The following FLNB variants were observed in gnomAD, a reference collection of about 807,000 sequenced individuals.
The protein encoded by FLNB is filamin-B.
FLNB carries 111 observed loss-of-function variants against 250.6 expected under a neutral mutation model. The observed-to-expected ratio is 0.44, with a 90% confidence interval of 0.38 to 0.52. The LOEUF (loss-of-function observed/expected upper bound fraction) is 0.52. FLNB is among the 20% of genes least tolerant of loss of function. FLNB has a pLI of 0.00. For missense variants in FLNB, 2,869 were observed against 3,447.8 expected (o/e 0.83, Z 4.20); for synonymous variants, 1,302 against 1,372.1 (o/e 0.95, Z 1.13).
chr3:58,130,963 C>A, intron 25 of FLNB, 55 bp downstream of exon 25: 1 of 1,539,734 alleles, frequency 6.5e-7, no homozygotes, highest in Non-Finnish European at 8.9e-7. Flanking sequence ...GCAGGGGCAG[C>A]TGTAACCCAG....
rs556368704 is a variant in FLNB, at chr3:58,032,908, C to G, written c.292+24052C>G. On this transcript the variant is annotated intron_variant, in intron 1 of 45. Coordinates refer to ENST00000295956, the MANE Select transcript of FLNB (RefSeq NM_001457.4). ...CATTGAGAGATCCCCATCTCTACTC[C>G]CTTCCCCGCCAAAAAAAAGCTAGGT... Among the ~76,000 whole-genome samples the G allele has an allele frequency of 4.3e-4, 66 of 152,160 alleles. 1 individual carries two copies. The highest frequency in any genetic ancestry group is 2.1e-3 in the East Asian group (11 of 5,176).
In FLNB at chr3:58,171,494, G is replaced by A. The variant is rs75749642; in HGVS notation, c.*732G>A. 3.7e-3 allele frequency: 570 copies of A among 152,410 alleles called. 2 individuals are homozygous for A. The highest frequency in any genetic ancestry group is 6.0e-3 in the Non-Finnish European group (407 of 68,168). 9.4% of individuals were successfully genotyped at this position (152,410 alleles called of 1,614,324 possible). A position where few individuals can be genotyped will look rare whatever the true frequency, so the allele number is the denominator to read the frequency against. ...GGTTTTGCTTTAGTTTTCCAAGTCC[G>A]TTTCAGTCCCTTCCTTGGTCTGAAG... is the stretch of plus-strand genomic sequence containing the variant. On this transcript the variant is annotated 3_prime_UTR_variant, in exon 46 of 46. Transcript: ENST00000295956. The surrounding 1 kb of genome is among the most constrained non-coding windows in gnomAD (Gnocchi z 5.5).
chr3:58,039,715 G>A (rs2097143341), intron 1 of FLNB, among the ~76,000 whole-genome samples: 1 of 152,196 alleles, frequency 6.6e-6, no homozygotes, highest in Non-Finnish European at 1.5e-5. Context: ...GCTTTTGGAA[G>A]GACACCATTC....
At chr3:58,064,544 T>C (rs577387513) in intron 1 of FLNB, among the ~76,000 whole-genome samples, 52 of 152,246 alleles carry the variant, frequency 3.4e-4, no homozygotes, top group African/African-American at 1.2e-3. Flanking sequence ...GTAACTCTAA[T>C]TCCTGTTTTC....
chr3:58,030,620 T>C (rs2097129543), intron 1 of FLNB, among the ~76,000 whole-genome samples: 1 of 151,990 alleles, frequency 6.6e-6, no homozygotes, highest in Non-Finnish European at 1.5e-5. Context: ...ATGCCTGTAA[T>C]CCCAGCACTT....
chr3:58,100,451 C>T (rs1456009538), intron 8 of FLNB, among the ~76,000 whole-genome samples: 19 of 146,982 alleles, frequency 1.3e-4, no homozygotes, highest in African/African-American at 4.8e-4. Flanking sequence ...TGCAGTGGTA[C>T]CATCATGGCT....
intron 38 of FLNB, among the ~76,000 whole-genome samples, 180 bp from the exon 39 acceptor site, chr3:58,153,195 G>A (rs770471027): frequency 2.0e-5 from 3 of 152,164 alleles, no homozygotes; most frequent in Non-Finnish European, 4.4e-5. Flanking sequence ...GAAGGGCCCT[G>A]CCCACTCCAT....
At chr3:58,132,330 G>C (rs1271478865) in intron 25 of FLNB, 1 of 431,700 alleles carries the variant, frequency 2.3e-6, no homozygotes, top group African/African-American at 2.0e-5. Flanking sequence ...CAGCATGCTG[G>C]TACCACAGTG....
At chr3:58,008,968 G>C in intron 1 of FLNB, 112 bp downstream of exon 1, 10 of 1,333,650 alleles carry the variant, frequency 7.5e-6, no homozygotes, top group Non-Finnish European at 1.1e-5. Flanking sequence ...TCGGAGATAA[G>C]GGGGAGTCGT....
chr3:58,039,846 G>A lies in FLNB; in HGVS notation c.292+30990G>A, dbSNP rs889917928. On this transcript the variant is annotated intron_variant, in intron 1 of 45. Transcript: ENST00000295956. ...GGAACATCTCACGTTGTGAAGAGAT[G>A]CGCAAAACTAAGCCAGGGCAGGGTG... 4.6e-5 allele frequency among the ~76,000 whole-genome samples: 7 copies of A among 152,208 alleles called. No homozygotes were observed. The South Asian group carries it at 1.2e-3, about 27-fold the overall frequency.
chr3:58,152,155 G>A (rs1271463278), intron 38 of FLNB, among the ~76,000 whole-genome samples: 1 of 152,074 alleles, frequency 6.6e-6, no homozygotes. Context: ...TATTCTTTTA[G>A]TTACTTAGTA....
intron 1 of FLNB, among the ~76,000 whole-genome samples, chr3:58,044,974 G>T (rs994368160): frequency 1.8e-4 from 28 of 152,228 alleles, no homozygotes; most frequent in Admixed American, 1.7e-3. Flanking sequence ...TACTTCCAGG[G>T]TATTGCCTTT....
chr3:58,076,967 C>G (rs763232597), intron 1 of FLNB, 79 bp from the exon 2 acceptor site: 12 of 1,489,018 alleles, frequency 8.1e-6, no homozygotes, highest in Non-Finnish European at 1.1e-5. Flanking sequence ...GTTGAAGACT[C>G]CATTTACATT....
chr3:58,040,555 C>A (rs1477174292), intron 1 of FLNB, among the ~76,000 whole-genome samples: 1 of 152,154 alleles, frequency 6.6e-6, no homozygotes, highest in African/African-American at 2.4e-5. Context: ...AGTGCAGTGG[C>A]CTGATCTCGG....
rs1330830897 is a variant in FLNB at position 58,132,107 on chromosome 3, T to G, written c.4391-701T>G. The G allele has an allele frequency of 5.9e-6, 5 of 848,892 alleles. No homozygotes were observed. The African/African-American group carries it at 8.4e-5, about 14-fold the overall frequency. The allele number at this position is 848,892 out of a possible 1,614,324, so 52.6% of individuals were successfully genotyped here. A position where few individuals can be genotyped will look rare whatever the true frequency, so the allele number is the denominator to read the frequency against. ...TAAAATTGCTTACACCTGCCTCATCTGCTTTGCTTAATGAGCATGCCATCC... is the reference window on the plus strand; with the variant it reads ...TAAAATTGCTTACACCTGCCTCATCGGCTTTGCTTAATGAGCATGCCATCC... On this transcript the variant is annotated intron_variant, in intron 25 of 45. Transcript: ENST00000295956.
At chr3:58,078,950 C>T in intron 3 of FLNB, 136 bp downstream of exon 3, 1 of 680,498 alleles carries the variant, frequency 1.5e-6, no homozygotes, top group South Asian at 1.6e-5. Context: ...GCTCTCTCAT[C>T]TTCCTCAGTT....
intron 1 of FLNB, among the ~76,000 whole-genome samples, chr3:58,056,294 G>A (rs1576644002): frequency 6.6e-6 from 1 of 151,512 alleles, no homozygotes; most frequent in African/African-American, 2.4e-5. Context: ...TAGAGGTGGG[G>A]GTTTCACCAT....
chr3:58,120,632 T>C (rs914314241), intron 19 of FLNB, among the ~76,000 whole-genome samples: 29 of 152,360 alleles, frequency 1.9e-4, no homozygotes, highest in African/African-American at 6.5e-4. Context: ...TTGGCAGCTC[T>C]GTGACTTCTG....
At position 58,142,823 on chromosome 3, in the gene FLNB, G is replaced by A; in HGVS notation, c.5284+71G>A. 1.5e-6 allele frequency: 2 copies of A among 1,364,172 alleles called. No individual in the cohort carries two copies. Among genetic ancestry groups the A allele is most frequent in the Non-Finnish European group, 2.1e-6 (2 of 957,698 alleles). The allele number at this position is 1,364,172 out of a possible 1,614,324, so 84.5% of individuals were successfully genotyped here. On this transcript the variant is annotated intron_variant, in intron 31 of 45. Transcript: ENST00000295956. This position sits in a 1 kb window ranked among gnomAD's most constrained non-coding sequence, Gnocchi z 4.3. Reference sequence around the variant, plus strand: ...GAGCTTCCCAGAATGGTGCTGGGGAGGTGTGTCCACTGTCCCCCAGACCCA... The same window carrying A: ...GAGCTTCCCAGAATGGTGCTGGGGAAGTGTGTCCACTGTCCCCCAGACCCA...
Sources: allele counts gnomAD v4.1 joint callset (sites outside exome capture counted in the v4.1 genomes callset), GRCh38; gene constraint gnomAD v4.1.1; non-coding constraint Gnocchi (gnomAD v3.1); transcripts MANE v1.5; gene names NCBI Gene and HGNC (gene_info 2026-07-23, HGNC 2026-07-21).